PDE4D: variants seen among roughly 807,000 people sequenced by gnomAD.
PDE4D encodes the protein 3',5'-cyclic-AMP phosphodiesterase 4D.
In PDE4D, 24 loss-of-function variants were observed where a neutral mutation model predicts 87.4. The observed-to-expected ratio is 0.27, with a 90% CI of 0.20 to 0.39. The LOEUF is 0.39. Among genes scored for constraint, PDE4D ranks in the 10% least tolerant of loss-of-function variants. The pLI, the probability that PDE4D is intolerant of heterozygous loss-of-function variation, is 1.00. For synonymous variants in PDE4D, 384 were observed against 383.2 expected (o/e 1.00, Z -0.02); for missense variants, 714 against 1,041.0 (o/e 0.69, Z 4.32).
chr5:59,861,430 T>C (rs1431581585), intron 1 of PDE4D, among the ~76,000 whole-genome samples: 4 of 152,156 alleles, frequency 2.6e-5, no homozygotes, highest in Non-Finnish European at 5.9e-5. Flanking sequence ...GTCATTGACA[T>C]AGGTAGACTT....
chr5:60,454,969 C>T (rs764914292), intron 1 of PDE4D, among the ~76,000 whole-genome samples: 3 of 151,526 alleles, frequency 2.0e-5, no homozygotes, highest in Non-Finnish European at 4.4e-5. Flanking sequence ...AGACAAAAAC[C>T]CAGAGACAAG....
At chr5:60,389,667 C>T (rs1210226237) in intron 1 of PDE4D, among the ~76,000 whole-genome samples, 3 of 152,178 alleles carry the variant, frequency 2.0e-5, no homozygotes, top group Non-Finnish European at 4.4e-5. Flanking sequence ...TCAAAGATGA[C>T]TCTCACACAT....
At chr5:60,212,421 G>C (rs769101085) in intron 1 of PDE4D, among the ~76,000 whole-genome samples, 2 of 152,220 alleles carry the variant, frequency 1.3e-5, no homozygotes, top group Non-Finnish European at 2.9e-5. Context: ...CAGCCTGCAA[G>C]TGATTGGTGC....
intron 1 of PDE4D, among the ~76,000 whole-genome samples, chr5:59,577,084 A>C (rs185196638): frequency 6.6e-6 from 1 of 152,268 alleles, no homozygotes; most frequent in East Asian, 1.9e-4. Context: ...AAGATTGAGG[A>C]CTTCATATCA....
At chr5:59,717,924 G>A (rs1755260848) in intron 1 of PDE4D, among the ~76,000 whole-genome samples, 1 of 152,180 alleles carries the variant, frequency 6.6e-6, no homozygotes, top group South Asian at 2.1e-4. Flanking sequence ...TGCTAAATCA[G>A]CACGTCTCAA....
chr5:59,166,032 G>T lies in PDE4D; in HGVS notation c.808+14563C>A, dbSNP rs373031780. On this transcript the variant is annotated intron_variant, in intron 5 of 14. Transcript: ENST00000340635. ...TCCAGCACCCCCACCACCACCTGTC[G>T]CCCCACTAATTCTCAGGGAATTCAG... 3.9e-5 allele frequency among the ~76,000 whole-genome samples: 6 copies of T among 152,074 alleles called. No homozygotes were observed. The South Asian group carries it at 8.3e-4, about 21-fold the overall frequency.
chr5:59,236,614 C>T (rs902818289), intron 1 of PDE4D, among the ~76,000 whole-genome samples: 4 of 152,132 alleles, frequency 2.6e-5, no homozygotes, highest in African/African-American at 9.7e-5. Context: ...TTCCTCTATG[C>T]TGTGCTTACT....
At chr5:59,958,704 G>A (rs1759133931) in intron 3 of PDE4D, among the ~76,000 whole-genome samples, 1 of 151,980 alleles carries the variant, frequency 6.6e-6, no homozygotes, top group African/African-American at 2.4e-5. Flanking sequence ...AAAATAATAA[G>A]AGTCATCTAT....
At chr5:59,550,345 A>G (rs1194805763) in intron 1 of PDE4D, among the ~76,000 whole-genome samples, 1 of 152,110 alleles carries the variant, frequency 6.6e-6, no homozygotes, top group Non-Finnish European at 1.5e-5. Flanking sequence ...ACATTGATGT[A>G]ACTAAATCTT....
intron 6 of PDE4D, among the ~76,000 whole-genome samples, chr5:59,011,726 C>A (rs13354657): frequency 0.1 from 15,344 of 152,240 alleles, 1,032 homozygotes; most frequent in Non-Finnish European, 0.13. Flanking sequence ...TTGGAAAACA[C>A]TCTGCAGGAT....
chr5:59,740,495 G>A (rs1275405164), intron 1 of PDE4D, among the ~76,000 whole-genome samples: 1 of 151,998 alleles, frequency 6.6e-6, no homozygotes, highest in Non-Finnish European at 1.5e-5. Context: ...TTGTAAATAG[G>A]GGCACAATCA....
intron 1 of PDE4D, among the ~76,000 whole-genome samples, chr5:59,447,675 C>G (rs73760305): frequency 0.024 from 3,589 of 152,236 alleles, 151 homozygotes; most frequent in African/African-American, 0.082. Flanking sequence ...ACTTTAAGTA[C>G]TTTTGTAATT....
intron 1 of PDE4D, among the ~76,000 whole-genome samples, chr5:60,510,092 C>T (rs182442434): frequency 6.6e-5 from 10 of 152,198 alleles, no homozygotes; most frequent in South Asian, 2.1e-4. Flanking sequence ...GGGAAGACAA[C>T]GTATAGGGAA....
At chr5:59,939,844 T>C (rs1353858410) in intron 3 of PDE4D, among the ~76,000 whole-genome samples, 1 of 152,098 alleles carries the variant, frequency 6.6e-6, no homozygotes. Context: ...CGGAAGAATT[T>C]AAAGATGGTA....
At chr5:60,479,335 A>C (rs1748555309) in intron 1 of PDE4D, among the ~76,000 whole-genome samples, 1 of 152,208 alleles carries the variant, frequency 6.6e-6, no homozygotes, top group African/African-American at 2.4e-5. Context: ...AGCAACAAAT[A>C]CTAAAATGAA....
intron 1 of PDE4D, among the ~76,000 whole-genome samples, chr5:59,668,069 A>G (rs543291150): frequency 1.3e-5 from 2 of 152,308 alleles, no homozygotes; most frequent in African/African-American, 4.8e-5. Context: ...AAGACTGCAT[A>G]TAATGACTAT....
At chr5:60,359,067 T>C (rs1164909284) in intron 1 of PDE4D, among the ~76,000 whole-genome samples, 2 of 152,166 alleles carry the variant, frequency 1.3e-5, no homozygotes, top group African/African-American at 4.8e-5. Context: ...TCTAAGTGCT[T>C]AAGTAAGAAT....
At chr5:59,012,763 G>T (rs1486254619) in intron 6 of PDE4D, among the ~76,000 whole-genome samples, 1 of 152,052 alleles carries the variant, frequency 6.6e-6, no homozygotes. Flanking sequence ...AAATTAACAA[G>T]GATATCCAGG....
Position 58,974,595 on chromosome 5 carries a change from C to CA in PDE4D, c.*68dup, listed in dbSNP as rs1224801118. ...CAGTGAGGTGTGACCGTGGTTGTGG[C>CA]ATGTGACATGCACTTTGGAAACAAT... On this transcript the variant is annotated 3_prime_UTR_variant, in exon 15 of 15. Transcript: ENST00000340635. The CA allele has an allele frequency of 3.6e-6, 5 of 1,406,008 alleles. No homozygotes were observed. The highest frequency in any genetic ancestry group is 4.8e-6 in the Non-Finnish European group (5 of 1,039,412). The allele number at this position is 1,406,008 out of a possible 1,614,324, so 87.1% of individuals were successfully genotyped here.
Sources: allele counts gnomAD v4.1 joint callset (sites outside exome capture counted in the v4.1 genomes callset), GRCh38; gene constraint gnomAD v4.1.1; transcripts MANE v1.5; gene names NCBI Gene and HGNC (gene_info 2026-07-23, HGNC 2026-07-21).